SEC14L1: variants seen among roughly 807,000 people sequenced by gnomAD.
The protein encoded by SEC14L1 is SEC14 like lipid binding 1.
In SEC14L1, 48 loss-of-function variants were observed where a neutral mutation model predicts 85.3. That is an observed-to-expected ratio of 0.56 (90% CI 0.45 to 0.72). The LOEUF is 0.72. Among genes scored for constraint, SEC14L1 ranks in the 30% least tolerant of loss-of-function variants. The pLI is 0.00. For missense variants in SEC14L1, 682 were observed against 921.4 expected (o/e 0.74, Z 3.36); for synonymous variants, 391 against 355.5 (o/e 1.10, Z -1.12).
chr17:77,115,697 G>C (rs990515684), intron 3 of SEC14L1, among the ~76,000 whole-genome samples: 3 of 152,102 alleles, frequency 2.0e-5, no homozygotes, highest in African/African-American at 7.2e-5. Context: ...AAAGGAGCAT[G>C]TTCTCTTGCT....
chr17:77,209,481 G>A lies in SEC14L1; in HGVS notation c.1611+5G>A, dbSNP rs760663533. ...TTCAAAGGAGCCCCACATGAGGTAC[G>A]TCCTCCGCCTTCCTGCACCTGGGCC... is the stretch of plus-strand genomic sequence containing the variant. On this transcript the variant is annotated splice_donor_5th_base_variant and intron_variant, in intron 14 of 16. Coordinates refer to ENST00000436233, the MANE Select transcript of SEC14L1 (RefSeq NM_001143998.2). The A allele has an allele frequency of 1.3e-5, 21 of 1,613,196 alleles. No homozygotes were observed. Among genetic ancestry groups the A allele is most frequent in the East Asian group, 4.5e-5 (2 of 44,888 alleles).
chr17:77,176,461 C>G (rs1431554686), intron 3 of SEC14L1, among the ~76,000 whole-genome samples: 2 of 152,232 alleles, frequency 1.3e-5, no homozygotes, highest in Admixed American at 1.3e-4. Context: ...GGGACCTGCT[C>G]CTGTCTGCCT....
intron 3 of SEC14L1, among the ~76,000 whole-genome samples, chr17:77,189,871 G>A (rs1975443539): frequency 6.6e-6 from 1 of 152,048 alleles, no homozygotes; most frequent in East Asian, 1.9e-4. Flanking sequence ...CTCATGATCT[G>A]CCCACCTCAG....
intron 3 of SEC14L1, 37 bp downstream of exon 3, chr17:77,143,696 TTATTTA>T: frequency 1.4e-6 from 2 of 1,451,386 alleles, no homozygotes; most frequent in Non-Finnish European, 1.9e-6. Context: ...CTTTGGCTTC[TTATTTA>T]TAAAGTACAG....
At chr17:77,175,168 TAC>T (rs1264695247) in intron 3 of SEC14L1, among the ~76,000 whole-genome samples, 1 of 152,200 alleles carries the variant, frequency 6.6e-6, no homozygotes, top group East Asian at 1.9e-4. Context: ...ACAAGGACGT[TAC>T]ACAGTTAAAC....
Position 77,214,273 on chromosome 17 carries a change from A to T in SEC14L1, c.*250A>T. ...GTGCACAAAATCCAACCAGAGCGCA[A>T]GGGCTCTCTTGAAAGAAAAGTAGTT... On this transcript the variant is annotated 3_prime_UTR_variant, in exon 17 of 17. Coordinates refer to ENST00000436233, the MANE Select transcript of SEC14L1 (RefSeq NM_001143998.2). 1 of 1,296,496 alleles carries T rather than the reference A, an allele frequency of 7.7e-7. No homozygotes were observed. 80.3% of individuals were successfully genotyped at this position (1,296,496 alleles called of 1,614,324 possible).
chr17:77,135,524 C>T (rs768643620), intron 3 of SEC14L1, among the ~76,000 whole-genome samples: 82 of 152,038 alleles, frequency 5.4e-4, no homozygotes, highest in South Asian at 1.2e-3. Flanking sequence ...CTTTCTTTGT[C>T]TTCCTTCCTT....
At chr17:77,207,660 C>T (rs1241114189) in intron 13 of SEC14L1, among the ~76,000 whole-genome samples, 1 of 152,136 alleles carries the variant, frequency 6.6e-6, no homozygotes. Context: ...CCATGTCAGC[C>T]AGGCTGGTCT....
chr17:77,213,066 G>A lies in SEC14L1; in HGVS notation c.1864-248G>A, dbSNP rs1309026160. 1.3e-5 allele frequency among the ~76,000 whole-genome samples: 2 copies of A among 152,244 alleles called. No individual in the cohort carries two copies. Among genetic ancestry groups the A allele is most frequent in the Non-Finnish European group, 2.9e-5 (2 of 68,046 alleles). ...AGGTGGGGTGGGCTGGGCAGGCCTC[G>A]TGAGGGCCACGGACATGGAGCTTGT... On this transcript the variant is annotated intron_variant, in intron 15 of 16. Coordinates refer to ENST00000436233, the MANE Select transcript of SEC14L1 (RefSeq NM_001143998.2). The surrounding 1 kb of genome is among the most constrained non-coding windows in gnomAD (Gnocchi z 7.1).
chr17:77,125,642 C>G (rs566355762), intron 3 of SEC14L1, among the ~76,000 whole-genome samples: 5 of 152,266 alleles, frequency 3.3e-5, no homozygotes. Context: ...TGAATGTGTC[C>G]GTGGTTTGCC....
At chr17:77,190,721 G>A (rs1975485441) in intron 3 of SEC14L1, 82 bp from the exon 4 acceptor site, 5 of 1,471,770 alleles carry the variant, frequency 3.4e-6, no homozygotes, top group Non-Finnish European at 4.7e-6. Flanking sequence ...GAGAGGTGCT[G>A]TTCCAGGGAG....
chr17:77,194,714 A>G lies in SEC14L1; in HGVS notation c.512A>G (p.Glu171Gly). The G allele has an allele frequency of 6.2e-7, 1 of 1,614,114 alleles. No individual in the cohort carries two copies. Among genetic ancestry groups the G allele is most frequent in the African/African-American group, 1.3e-5 (1 of 75,054 alleles). ...EIIEYYLRQL[E>G]EEGITFVPRW... ...ATCGAATACTACCTTCGCCAATTAG[A>G]AGAAGAAGGCATAACCTTTGTGCCC... Residue 171 changes from glutamate to glycine, a missense_variant, in exon 7 of 17, where the codon GAA becomes GGA. This residue lies in a region of SEC14L1 where 123 missense variants were observed against 100.6 expected (regional missense o/e 1.22). Transcript: ENST00000436233.
chr17:77,107,397 GAA>G (rs1971939261), intron 3 of SEC14L1, among the ~76,000 whole-genome samples: 1 of 151,880 alleles, frequency 6.6e-6, no homozygotes, highest in South Asian at 2.1e-4. Context: ...GGAACGAAAA[GAA>G]AGAGTCTCCT....
chr17:77,191,522 G>T (rs927816364), intron 5 of SEC14L1, among the ~76,000 whole-genome samples: 1 of 152,126 alleles, frequency 6.6e-6, no homozygotes, highest in African/African-American at 2.4e-5. Context: ...AGGCAGCCAA[G>T]TGATGCCTTG....
chr17:77,211,829 C>T, intron 14 of SEC14L1, 121 bp from the exon 15 acceptor site: 2 of 1,263,888 alleles, frequency 1.6e-6, no homozygotes, highest in Non-Finnish European at 1.1e-6. Context: ...CATACGCATT[C>T]AGCGTTTCCC....
chr17:77,147,961 G>A (rs1973387134), intron 3 of SEC14L1, among the ~76,000 whole-genome samples: 1 of 152,170 alleles, frequency 6.6e-6, no homozygotes, highest in South Asian at 2.1e-4. Context: ...GATTGATTGT[G>A]CCTTAAAGGG....
rs80176737 is a variant in SEC14L1 at position 77,185,661 on chromosome 17, G to A, written c.64-5142G>A. On this transcript the variant is annotated intron_variant, in intron 3 of 16. Transcript: ENST00000436233. Reference sequence around the variant, plus strand: ...TTTGTAAGTCTCAATTTCTTGGTACGTCACAGTACTGGAATGTACAAAGCC... The same window carrying A: ...TTTGTAAGTCTCAATTTCTTGGTACATCACAGTACTGGAATGTACAAAGCC... 4.6e-5 allele frequency among the ~76,000 whole-genome samples: 7 copies of A among 152,224 alleles called. No homozygotes were observed. The South Asian group carries it at 1.2e-3, about 27-fold the overall frequency.
chr17:77,134,572 A>C (rs994653537), intron 3 of SEC14L1, among the ~76,000 whole-genome samples: 2 of 152,106 alleles, frequency 1.3e-5, no homozygotes, highest in African/African-American at 2.4e-5. Flanking sequence ...AACAAACAAA[A>C]AATACAAAAA....
At position 77,213,481 on chromosome 17, in the gene SEC14L1, G is replaced by A. The variant is rs866147649; in HGVS notation, c.2031G>A (p.Ser677=). 19 of 1,608,190 alleles carry A rather than the reference G, an allele frequency of 1.2e-5. No homozygotes were observed. Among genetic ancestry groups the A allele is most frequent in the Admixed American group, 1.7e-5 (1 of 59,988 alleles). ...TGTACTACACCGAGGTGATCGGCTC[G>A]GAGGATTTCAGGTGCGGCCACCCTC... ...KVMYYTEVIG[S]EDFRGSMTSL... is the part of the protein sequence containing the mutation. Residue 677 remains serine (S), a synonymous_variant, in exon 16 of 17, where the codon TCG becomes TCA. Coordinates refer to ENST00000436233, the MANE Select transcript of SEC14L1 (RefSeq NM_001143998.2). This position sits in a 1 kb window ranked among gnomAD's most constrained non-coding sequence, Gnocchi z 7.1.
Sources: allele counts gnomAD v4.1 joint callset (sites outside exome capture counted in the v4.1 genomes callset), GRCh38; gene constraint gnomAD v4.1.1; regional missense constraint gnomAD v4.1.1; non-coding constraint Gnocchi (gnomAD v3.1); transcripts MANE v1.5; gene names NCBI Gene and HGNC (gene_info 2026-07-23, HGNC 2026-07-21).